Variants in KCNJ12 observed in about 807,000 individuals in gnomAD.
The protein encoded by KCNJ12 is potassium inwardly rectifying channel subfamily J member 12, also known as ATP-sensitive inward rectifier potassium channel 12.
In KCNJ12, 2 loss-of-function variants were observed where a neutral mutation model predicts 22.3. The observed-to-expected ratio is 0.09, with a 90% CI of 0.04 to 0.28. The LOEUF (loss-of-function observed/expected upper bound fraction) is 0.28, where lower values mean the gene tolerates loss of function less well. KCNJ12 is among the 10% of genes least tolerant of loss of function. KCNJ12 has a pLI of 1.00. For missense variants in KCNJ12, 155 were observed against 633.3 expected, an observed-to-expected ratio of 0.24 and a Z score of 8.11; for synonymous variants, 117 against 261.4, an observed-to-expected ratio of 0.45 and a Z score of 5.33.
chr17:21,389,758 T>C (rs1422512752), intron 1 of KCNJ12, among the ~76,000 whole-genome samples: 1 of 152,068 alleles, frequency 6.6e-6, no homozygotes, highest in Non-Finnish European at 1.5e-5. Flanking sequence ...CCAGCACCAG[T>C]GTTCAGCTCA....
intron 2 of KCNJ12, among the ~76,000 whole-genome samples, chr17:21,414,444 C>T (rs1272294668): frequency 6.8e-6 from 1 of 146,036 alleles, no homozygotes; most frequent in Non-Finnish European, 1.5e-5. Flanking sequence ...CATTGCATTC[C>T]AGCCTAGGTG....
chr17:21,392,641 A>C (rs1012263071), intron 1 of KCNJ12, among the ~76,000 whole-genome samples: 16 of 152,220 alleles, frequency 1.1e-4, no homozygotes, highest in Admixed American at 4.6e-4. Context: ...GGGGGATTTC[A>C]TGGACCCCCA....
chr17:21,380,314 C>A (rs1555557772), intron 1 of KCNJ12, among the ~76,000 whole-genome samples: 2 of 152,192 alleles, frequency 1.3e-5, no homozygotes, highest in African/African-American at 4.8e-5. Flanking sequence ...AGTTCTGGGG[C>A]TGGAGACCCC....
At chr17:21,412,360 C>T (rs1310146459) in intron 2 of KCNJ12, among the ~76,000 whole-genome samples, 4 of 152,406 alleles carry the variant, frequency 2.6e-5, no homozygotes, top group East Asian at 3.9e-4. Flanking sequence ...TGGCCAGTTT[C>T]GAGGCCGCCA....
At chr17:21,409,457 A>C (rs1326821378) in intron 2 of KCNJ12, among the ~76,000 whole-genome samples, 2 of 152,308 alleles carry the variant, frequency 1.3e-5, no homozygotes, top group Non-Finnish European at 2.9e-5. Flanking sequence ...GATCCCAGGA[A>C]ATAAGGAAAT....
At chr17:21,415,250 A>G in intron 2 of KCNJ12, 37 bp from the exon 3 acceptor site, 1 of 1,534,150 alleles carries the variant, frequency 6.5e-7, no homozygotes, top group South Asian at 1.2e-5. Flanking sequence ...GCCCGGAGCC[A>G]CCAGCCCAGC....
intron 1 of KCNJ12, among the ~76,000 whole-genome samples, chr17:21,377,785 A>G (rs1353825639): frequency 2.6e-5 from 4 of 152,158 alleles, no homozygotes; most frequent in Non-Finnish European, 4.4e-5. Flanking sequence ...ATGGGGGTCA[A>G]AGTGTTTCTT....
intron 1 of KCNJ12, among the ~76,000 whole-genome samples, chr17:21,395,423 C>T (rs1905323529): frequency 2.0e-5 from 3 of 151,088 alleles, no homozygotes; most frequent in Admixed American, 6.6e-5. Flanking sequence ...GGCAAAACCT[C>T]GTCTCTACTA....
chr17:21,409,173 T>A (rs1386606380), intron 2 of KCNJ12, among the ~76,000 whole-genome samples: 1 of 152,302 alleles, frequency 6.6e-6, no homozygotes. Context: ...TCACACAAGG[T>A]GGGAAGTAGC....
intron 1 of KCNJ12, among the ~76,000 whole-genome samples, chr17:21,399,973 G>A (rs546909187): frequency 5.6e-4 from 85 of 152,312 alleles, no homozygotes; most frequent in African/African-American, 2.0e-3. Flanking sequence ...AGCGTGTGTG[G>A]CAGTAAGAGG....
At chr17:21,401,926 G>T (rs1905641060) in intron 1 of KCNJ12, among the ~76,000 whole-genome samples, 1 of 152,238 alleles carries the variant, frequency 6.6e-6, no homozygotes. Flanking sequence ...TTGGAAAGGG[G>T]TGTTGAAGGA....
chr17:21,414,750 C>CA (rs1250260038), intron 2 of KCNJ12, among the ~76,000 whole-genome samples: 89 of 152,288 alleles, frequency 5.8e-4, no homozygotes, highest in African/African-American at 2.0e-3. Context: ...AGCCTGGGGC[C>CA]AGGGGCTGTG....
intron 1 of KCNJ12, among the ~76,000 whole-genome samples, chr17:21,405,952 T>G (rs2142067066): frequency 6.6e-6 from 1 of 152,420 alleles, no homozygotes; most frequent in South Asian, 2.1e-4. Flanking sequence ...TAAGAACAAA[T>G]CCAGCTGGAT....
chr17:21,385,080 A>G (rs782015700), intron 1 of KCNJ12, among the ~76,000 whole-genome samples: 3 of 152,112 alleles, frequency 2.0e-5, no homozygotes, highest in Non-Finnish European at 2.9e-5. Context: ...CGACCCAGGA[A>G]TGTCACTTTG....
At chr17:21,384,344 G>C (rs997425310) in intron 1 of KCNJ12, among the ~76,000 whole-genome samples, 6 of 152,126 alleles carry the variant, frequency 3.9e-5, no homozygotes, top group Non-Finnish European at 5.9e-5. Flanking sequence ...GGTTCTTTTC[G>C]TTGTCATTTT....
chr17:21,405,217 G>A (rs1181071689), intron 1 of KCNJ12: 4 of 152,698 alleles, frequency 2.6e-5, no homozygotes, highest in Non-Finnish European at 5.9e-5. Flanking sequence ...CCCACGTGGT[G>A]TCAGGAACGC....
intron 1 of KCNJ12, among the ~76,000 whole-genome samples, chr17:21,377,638 G>A (rs1904712001): frequency 6.6e-6 from 1 of 152,030 alleles, no homozygotes; most frequent in Admixed American, 6.5e-5. Flanking sequence ...GGAATCAGGG[G>A]CTCATGGGCA....
Position 21,390,281 on chromosome 17 carries a change from T to C in KCNJ12, c.-179+13368T>C, listed in dbSNP as rs188753268. ...CTCCGCTGGACCCTGCACTACACCC[T>C]GGTTGGGAGTGAATCCTTCCAAAGG... On this transcript the variant is annotated intron_variant, in intron 1 of 2. Transcript: ENST00000583088. Among the ~76,000 whole-genome samples, 670 of 152,226 alleles carry C rather than the reference T, an allele frequency of 4.4e-3. 6 individuals carry two copies. The highest frequency in any genetic ancestry group is 0.014 in the African/African-American group (581 of 41,546).
At chr17:21,397,877 T>TG (rs1378356527) in intron 1 of KCNJ12, among the ~76,000 whole-genome samples, 1 of 152,224 alleles carries the variant, frequency 6.6e-6, no homozygotes, top group African/African-American at 2.4e-5. Flanking sequence ...GAGCAGAGCC[T>TG]GGGGGCCGAG....
Sources: gnomAD v4.1 joint callset for allele counts (sites outside exome capture counted in the v4.1 genomes callset) on GRCh38, gnomAD v4.1.1 for gene constraint, MANE v1.5 for transcripts, NCBI Gene and HGNC (gene_info 2026-07-23, HGNC 2026-07-21) for gene names.